PLEKHH1: variants seen among roughly 807,000 people sequenced by gnomAD.
The protein encoded by PLEKHH1 is pleckstrin homology domain-containing family H member 1.
In PLEKHH1, 104 loss-of-function variants were observed where a neutral mutation model predicts 160.0. The ratio of observed to expected loss-of-function variants is 0.65; its 90% CI spans 0.55 to 0.76. The LOEUF (loss-of-function observed/expected upper bound fraction) is 0.76, where lower values mean the gene tolerates loss of function less well. Among genes scored for constraint, PLEKHH1 ranks in the 30% least tolerant of loss-of-function variants. The pLI is 0.00. For missense variants in PLEKHH1, 1,427 were observed against 1,724.1 expected (o/e 0.83, Z 3.05); for synonymous variants, 619 against 678.4 (o/e 0.91, Z 1.36).
At chr14:67,540,954 A>C (rs1239329391) in intron 1 of PLEKHH1, among the ~76,000 whole-genome samples, 1 of 152,178 alleles carries the variant, frequency 6.6e-6, no homozygotes, top group African/African-American at 2.4e-5. Flanking sequence ...TGGACATACT[A>C]TAGGTGTCTA....
At chr14:67,564,692 CTT>C (rs761508671) in intron 7 of PLEKHH1, among the ~76,000 whole-genome samples, 4 of 136,706 alleles carry the variant, frequency 2.9e-5, no homozygotes, top group Non-Finnish European at 3.2e-5. Context: ...TTTTCTTTTC[CTT>C]TTTTTTTTTT....
chr14:67,533,599 G>C (rs1166524142), intron 1 of PLEKHH1: 1 of 152,092 alleles, frequency 6.6e-6, no homozygotes, highest in East Asian at 1.9e-4. Flanking sequence ...CAGGGGACTC[G>C]CGCCGCGAGG....
At chr14:67,577,625 A>G (rs2035680738) in intron 18 of PLEKHH1, among the ~76,000 whole-genome samples, 1 of 152,204 alleles carries the variant, frequency 6.6e-6, no homozygotes. Flanking sequence ...TCCTTGGGAA[A>G]TGCCAATGAA....
chr14:67,579,511 G>A (rs1312034098), intron 21 of PLEKHH1, 200 bp downstream of exon 21: 1 of 650,590 alleles, frequency 1.5e-6, no homozygotes, highest in African/African-American at 1.8e-5. Flanking sequence ...TGGTAAAGGA[G>A]GGACCCAGGT....
intron 2 of PLEKHH1, among the ~76,000 whole-genome samples, chr14:67,544,689 T>G (rs1022969218): frequency 1.3e-5 from 2 of 152,186 alleles, no homozygotes; most frequent in African/African-American, 4.8e-5. Flanking sequence ...ACTTGAAAAC[T>G]AAATAGAACT....
chr14:67,562,787 G>A lies in PLEKHH1; in HGVS notation c.1156G>A (p.Gly386Arg), dbSNP rs1307381803. Residue 386 changes from glycine to arginine, a missense_variant, in exon 7 of 29, where the codon GGG becomes AGG. By Grantham distance (125) the Gly-to-Arg change is moderately radical (BLOSUM62 -2). Around this residue, in one of 6 missense-constraint regions of PLEKHH1, gnomAD observed 831 missense variants for 929.2 expected, o/e 0.89. Transcript: ENST00000329153. ...GGAGATGGAGGAGCCACCCCCAGCA[G>A]GGAAGAATGAGGAAAGAGAGAGCCC... ...KMEMEEPPPA[G>R]KNEERESPKA... The A allele has an allele frequency of 6.2e-7, 1 of 1,613,796 alleles. No homozygotes were observed. Among genetic ancestry groups the A allele is most frequent in the Non-Finnish European group, 8.5e-7 (1 of 1,179,780 alleles).
chr14:67,546,129 C>A (rs960080651), intron 2 of PLEKHH1, among the ~76,000 whole-genome samples: 1 of 152,044 alleles, frequency 6.6e-6, no homozygotes, highest in Non-Finnish European at 1.5e-5. Flanking sequence ...GAAAATGTAA[C>A]CCAGGTATTT....
intron 11 of PLEKHH1, 41 bp downstream of exon 11, chr14:67,572,318 G>T: frequency 6.5e-7 from 1 of 1,533,374 alleles, no homozygotes. Context: ...GAAGCAGAAT[G>T]CAGCAGAGGC....
chr14:67,573,294 G>T lies in PLEKHH1; in HGVS notation c.1747G>T (p.Gly583Cys). The change falls in exon 12 of 29, where the codon GGC becomes TGC. Residue 583 changes from glycine (G) to cysteine (C), a missense_variant. By Grantham distance (159) the Gly-to-Cys change is radical. Coordinates refer to ENST00000329153, the MANE Select transcript of PLEKHH1 (RefSeq NM_020715.3). The surrounding 1 kb of genome is among the most constrained non-coding windows in gnomAD (Gnocchi z 4.8). ...CCCTCAGGAGTCACTGGAGAAGTCG[G>T]GCTACCTGCTGAAAATGGGGAGCCA... ...GLGGESLEKS[G>C]YLLKMGSQVK... 1.2e-6 allele frequency: 2 copies of T among 1,612,748 alleles called. 1 individual carries two copies. Among genetic ancestry groups the T allele is most frequent in the Admixed American group, 3.3e-5 (2 of 60,028 alleles).
rs762287021 is a variant in PLEKHH1, at chr14:67,581,013, G to A, written c.3259G>A (p.Val1087Ile). 18 of 1,612,014 alleles carry A rather than the reference G, an allele frequency of 1.1e-5. No individual in the cohort carries two copies. The highest frequency in any genetic ancestry group is 4.5e-5 in the East Asian group (2 of 44,872). ...CGGAAAGTCTGAGGGTGGGACACGC[G>A]TCGTGAAGCTGATGTACAAGAACAG... ...HPGKSEGGTR[V>I]VKLMYKNRLY... The change falls in exon 23 of 29, where the codon GTC (valine) becomes ATC (isoleucine). Residue 1087 changes from valine (V) to isoleucine (I), a missense_variant. Physicochemically the swap from Val to Ile is conservative, Grantham distance 29 (BLOSUM62 3). Transcript: ENST00000329153.
At chr14:67,585,386 T>G in intron 26 of PLEKHH1, 182 bp from the exon 27 acceptor site, 1 of 578,064 alleles carries the variant, frequency 1.7e-6, no homozygotes, top group Non-Finnish European at 3.1e-6. Context: ...GGGTCTCCTG[T>G]CACAAGCAGC....
chr14:67,584,685 G>A (rs1054887545), intron 26 of PLEKHH1, among the ~76,000 whole-genome samples: 2 of 152,220 alleles, frequency 1.3e-5, no homozygotes, highest in African/African-American at 4.8e-5. Flanking sequence ...TCAACAAATA[G>A]TTGAGCTCCT....
At position 67,576,522 on chromosome 14, in the gene PLEKHH1, C is replaced by T. The variant is rs772791605; in HGVS notation, c.2461+19C>T. 2 of 1,256,266 alleles carry T rather than the reference C, an allele frequency of 1.6e-6. No individual in the cohort carries two copies. Among genetic ancestry groups the T allele is most frequent in the South Asian group, 2.4e-5 (2 of 83,454 alleles). 77.8% of individuals were successfully genotyped at this position (1,256,266 alleles called of 1,614,324 possible). A position where few individuals can be genotyped will look rare whatever the true frequency, so the allele number is the denominator to read the frequency against. On this transcript the variant is annotated intron_variant, in intron 17 of 28. Coordinates refer to ENST00000329153, the MANE Select transcript of PLEKHH1 (RefSeq NM_020715.3). The surrounding 1 kb of genome is among the most constrained non-coding windows in gnomAD (Gnocchi z 4.0). ...GATCCAGGTAAGGCAAGGGTGGCCACCACTGCTTGGGTTGGAGGGTAGTGG... is the reference window on the plus strand; with the variant it reads ...GATCCAGGTAAGGCAAGGGTGGCCATCACTGCTTGGGTTGGAGGGTAGTGG...
At chr14:67,575,734 C>A in intron 15 of PLEKHH1, 89 bp from the exon 16 acceptor site, 1 of 987,472 alleles carries the variant, frequency 1.0e-6, no homozygotes, top group Admixed American at 2.2e-5. Flanking sequence ...ATCCACGATT[C>A]CCAGCTTCAC....
intron 1 of PLEKHH1, among the ~76,000 whole-genome samples, chr14:67,535,281 T>C (rs1439206566): frequency 6.6e-6 from 1 of 151,566 alleles, no homozygotes; most frequent in Non-Finnish European, 1.5e-5. Context: ...TTGCACTATA[T>C]ACCCTTTTGT....
Position 67,574,143 on chromosome 14 carries a change from A to C in PLEKHH1, c.1927-99A>C. The stretch of plus-strand genomic sequence containing the variant: ...GGAGCACTAGGGCAGGCAGAAGGCC[A>C]GCCCCTTGGGTTCAGGGACAGGTGC... On this transcript the variant is annotated intron_variant, in intron 13 of 28. Transcript: ENST00000329153. The surrounding 1 kb of genome is among the most constrained non-coding windows in gnomAD (Gnocchi z 4.2). 9 of 1,082,594 alleles carry C rather than the reference A, an allele frequency of 8.3e-6. No individual in the cohort carries two copies. Among genetic ancestry groups the C allele is most frequent in the Non-Finnish European group, 1.2e-5 (9 of 760,442 alleles). 67.1% of individuals were successfully genotyped at this position (1,082,594 alleles called of 1,614,324 possible). A position where few individuals can be genotyped will look rare whatever the true frequency, so the allele number is the denominator to read the frequency against.
chr14:67,563,255 C>T lies in PLEKHH1; in HGVS notation c.1263+361C>T, dbSNP rs750808009. Among the ~76,000 whole-genome samples, 94 of 152,314 alleles carry T rather than the reference C, an allele frequency of 6.2e-4. 1 individual carries two copies. Among genetic ancestry groups the T allele is most frequent in the Non-Finnish European group, 1.1e-3 (72 of 68,026 alleles). On this transcript the variant is annotated intron_variant, in intron 7 of 28. Transcript: ENST00000329153. ...ACCACTAGGGTTGAACTGTTAACTA[C>T]GTGACCTTGGACATGTTACTGAACC...
At chr14:67,565,204 G>A (rs532637125) in intron 7 of PLEKHH1, among the ~76,000 whole-genome samples, 2 of 151,984 alleles carry the variant, frequency 1.3e-5, no homozygotes, top group African/African-American at 4.8e-5. Context: ...TTAGGTACTT[G>A]CCCAAGGTCA....
chr14:67,540,500 GCCTGTAAT>G (rs1441261377), intron 1 of PLEKHH1, among the ~76,000 whole-genome samples: 1 of 151,712 alleles, frequency 6.6e-6, no homozygotes, highest in Non-Finnish European at 1.5e-5. Context: ...GATGGTGCAC[GCCTGTAAT>G]CCAGCTTCTC....
Sources: allele counts gnomAD v4.1 joint callset (sites outside exome capture counted in the v4.1 genomes callset), GRCh38; gene constraint gnomAD v4.1.1; regional missense constraint gnomAD v4.1.1; non-coding constraint Gnocchi (gnomAD v3.1); transcripts MANE v1.5; gene names NCBI Gene and HGNC (gene_info 2026-07-23, HGNC 2026-07-21).